CTNND2: variants seen among roughly 807,000 people sequenced by gnomAD.
The protein encoded by CTNND2 is catenin delta-2.
CTNND2 carries 22 observed loss-of-function variants against 144.4 expected under a neutral mutation model. The ratio of observed to expected loss-of-function variants is 0.15; its 90% CI spans 0.11 to 0.22. The LOEUF (loss-of-function observed/expected upper bound fraction) is 0.22, where lower values mean the gene tolerates loss of function less well. Among genes scored for constraint, CTNND2 ranks in the 10% least tolerant of loss-of-function variants. CTNND2 has a pLI of 1.00. For synonymous variants in CTNND2, 751 were observed against 695.6 expected, an observed-to-expected ratio of 1.08 and a Z score of -1.25; for missense variants, 1,353 against 1,618.8, an observed-to-expected ratio of 0.84 and a Z score of 2.82.
intron 3 of CTNND2, among the ~76,000 whole-genome samples, chr5:11,541,289 T>C (rs1774710394): frequency 6.6e-6 from 1 of 152,234 alleles, no homozygotes; most frequent in African/African-American, 2.4e-5. Flanking sequence ...CAGGAACCAC[T>C]GGTGCAAAAC....
At chr5:11,699,017 CATAT>C (rs566414139) in intron 2 of CTNND2, among the ~76,000 whole-genome samples, 1 of 142,560 alleles carries the variant, frequency 7.0e-6, no homozygotes, top group African/African-American at 2.9e-5. Context: ...AACTATATAT[CATAT>C]ATATATACAT....
chr5:11,057,076 T>C (rs951829551), intron 16 of CTNND2, among the ~76,000 whole-genome samples: 1 of 152,142 alleles, frequency 6.6e-6, no homozygotes, highest in African/African-American at 2.4e-5. Flanking sequence ...CTATAGAAAA[T>C]CACATGCTTT....
At chr5:11,756,615 C>CAT in intron 1 of CTNND2, among the ~76,000 whole-genome samples, 1 of 140,534 alleles carries the variant, frequency 7.1e-6, no homozygotes, top group East Asian at 2.1e-4. Flanking sequence ...AATACATCCA[C>CAT]ATCCACACAA....
At chr5:11,824,874 C>A (rs1036272689) in intron 1 of CTNND2, among the ~76,000 whole-genome samples, 7 of 152,136 alleles carry the variant, frequency 4.6e-5, no homozygotes, top group African/African-American at 1.7e-4. Context: ...AATTCTGTCA[C>A]CCCAAACAGA....
Position 11,903,479 on chromosome 5 carries a change from G to A in CTNND2, c.37+338C>T. 1 of 725,914 alleles carries A rather than the reference G, an allele frequency of 1.4e-6. No individual in the cohort carries two copies. The highest frequency in any genetic ancestry group is 1.8e-6 in the Non-Finnish European group (1 of 549,470). The allele number at this position is 725,914 out of a possible 1,614,324, so 45.0% of individuals were successfully genotyped here. On this transcript the variant is annotated intron_variant, in intron 1 of 21. Coordinates refer to ENST00000304623, the MANE Select transcript of CTNND2 (RefSeq NM_001332.4). The surrounding 1 kb of genome is among the most constrained non-coding windows in gnomAD (Gnocchi z 5.4). ...ATTAGGGACGTCATGAATGCACCGA[G>A]TATGTTCTCAGGGTGGCGGGGAGCA...
At chr5:11,476,954 T>C (rs1241575438) in intron 3 of CTNND2, among the ~76,000 whole-genome samples, 2 of 152,200 alleles carry the variant, frequency 1.3e-5, no homozygotes, top group Non-Finnish European at 2.9e-5. Context: ...CCTCCCTTTT[T>C]ATACAAAGAT....
At chr5:11,683,769 C>A (rs1238141037) in intron 2 of CTNND2, among the ~76,000 whole-genome samples, 1 of 152,370 alleles carries the variant, frequency 6.6e-6, no homozygotes, top group East Asian at 1.9e-4. Flanking sequence ...CCTCTGTTGA[C>A]ACCCTATGGA....
chr5:11,758,911 C>T (rs975617242), intron 1 of CTNND2, among the ~76,000 whole-genome samples: 2 of 151,942 alleles, frequency 1.3e-5, no homozygotes, highest in Non-Finnish European at 2.9e-5. Context: ...ACAGTTACCA[C>T]TCTCTAATAC....
At chr5:11,048,726 GTGATT>G (rs1745532389) in intron 16 of CTNND2, among the ~76,000 whole-genome samples, 1 of 152,242 alleles carries the variant, frequency 6.6e-6, no homozygotes, top group Non-Finnish European at 1.5e-5. Flanking sequence ...TACTAGACTT[GTGATT>G]TTCACATATG....
At chr5:11,764,574 C>T (rs183486893) in intron 1 of CTNND2, among the ~76,000 whole-genome samples, 1 of 152,302 alleles carries the variant, frequency 6.6e-6, no homozygotes, top group Admixed American at 6.5e-5. Context: ...TTCCTAACTC[C>T]TGGCTTTTGG....
At chr5:11,028,376 T>C (rs1336824812) in intron 16 of CTNND2, among the ~76,000 whole-genome samples, 1 of 152,218 alleles carries the variant, frequency 6.6e-6, no homozygotes, top group Non-Finnish European at 1.5e-5. Context: ...AACTTCTTTA[T>C]TGCAGTAAAA....
chr5:11,798,724 G>A (rs1034279215), intron 1 of CTNND2, among the ~76,000 whole-genome samples: 1 of 152,110 alleles, frequency 6.6e-6, no homozygotes, highest in African/African-American at 2.4e-5. Context: ...CTGAGATCGC[G>A]CCACTGCACT....
intron 2 of CTNND2, among the ~76,000 whole-genome samples, chr5:11,618,335 A>T (rs1251921413): frequency 6.6e-6 from 1 of 152,216 alleles, no homozygotes; most frequent in Non-Finnish European, 1.5e-5. Context: ...TTTCTGCAAA[A>T]ATATGCGCAA....
chr5:11,346,409 T>G lies in CTNND2; in HGVS notation c.1591A>C (p.Arg531=), dbSNP rs969681397. ...PALPPEGTLA[R]SPSIDSIQKD... ...TGAATGCTATCAATGGACGGGGACCTGGCCAAGGTGCCTTCAGGCGGGAGA... is the reference window on the plus strand; with the variant it reads ...TGAATGCTATCAATGGACGGGGACCGGGCCAAGGTGCCTTCAGGCGGGAGA... The change falls in exon 9 of 22, where the codon AGG becomes CGG. Residue 531 remains arginine (R), a synonymous_variant. Coordinates refer to ENST00000304623, the MANE Select transcript of CTNND2 (RefSeq NM_001332.4). 1.3e-6 allele frequency: 2 copies of G among 1,517,422 alleles called. No homozygotes were observed. The highest frequency in any genetic ancestry group is 8.9e-7 in the Non-Finnish European group (1 of 1,129,210). The allele number at this position is 1,517,422 out of a possible 1,614,324, so 94.0% of individuals were successfully genotyped here.
chr5:11,385,122 C>T lies in CTNND2; in HGVS notation c.720G>A (p.Leu240=). The T allele has an allele frequency of 9.8e-7, 1 of 1,023,216 alleles. No homozygotes were observed. The highest frequency in any genetic ancestry group is 1.2e-6 in the Non-Finnish European group (1 of 856,814). 63.4% of individuals were successfully genotyped at this position (1,023,216 alleles called of 1,614,324 possible). A position where few individuals can be genotyped will look rare whatever the true frequency, so the allele number is the denominator to read the frequency against. Residue 240 remains leucine, a synonymous_variant, in exon 7 of 22, where the codon CTG becomes CTA. Transcript: ENST00000304623. ...FAPSLGSAFH[L]PDAPPAAAAA... ...CGGCGGCGGCGGGCGGCGCGTCGGG[C>T]AGGTGGAAGGCGCTGCCCAGGCTGG...
At chr5:11,264,648 G>T (rs1452997882) in intron 9 of CTNND2, among the ~76,000 whole-genome samples, 1 of 152,192 alleles carries the variant, frequency 6.6e-6, no homozygotes, top group African/African-American at 2.4e-5. Context: ...TGTATTCATT[G>T]GCTGGGTGTG....
chr5:11,224,964 T>G (rs1387193909), intron 10 of CTNND2, among the ~76,000 whole-genome samples: 3 of 152,176 alleles, frequency 2.0e-5, no homozygotes, highest in African/African-American at 7.2e-5. Context: ...CTTTTTGGCT[T>G]CTTTTACATC....
At chr5:11,260,245 G>A (rs1457865552) in intron 9 of CTNND2, among the ~76,000 whole-genome samples, 1 of 152,196 alleles carries the variant, frequency 6.6e-6, no homozygotes, top group Non-Finnish European at 1.5e-5. Context: ...TAAATGGACA[G>A]AATGTTGTTT....
At chr5:11,481,808 G>A (rs1377630197) in intron 3 of CTNND2, among the ~76,000 whole-genome samples, 1 of 152,206 alleles carries the variant, frequency 6.6e-6, no homozygotes, top group South Asian at 2.1e-4. Context: ...ATTCCTGTCT[G>A]TAGGTGAAAA....
Sources: allele counts gnomAD v4.1 joint callset (sites outside exome capture counted in the v4.1 genomes callset), GRCh38; gene constraint gnomAD v4.1.1; non-coding constraint Gnocchi (gnomAD v3.1); transcripts MANE v1.5; gene names NCBI Gene and HGNC (gene_info 2026-07-23, HGNC 2026-07-21).